Variants in SHISA9 observed in about 807,000 individuals in gnomAD.
SHISA9 encodes the protein protein shisa-9.
A neutral mutation model predicts 38.0 loss-of-function variants in SHISA9; 13 were observed. The ratio of observed to expected loss-of-function variants is 0.34; its 90% CI spans 0.22 to 0.54. The LOEUF is 0.54. SHISA9 is among the 20% of genes least tolerant of loss of function. The pLI is 0.91. For missense variants in SHISA9, 538 were observed against 575.8 expected, an observed-to-expected ratio of 0.93 and a Z score of 0.67; for synonymous variants, 275 against 242.0, an observed-to-expected ratio of 1.14 and a Z score of -1.27.
intron 2 of SHISA9, among the ~76,000 whole-genome samples, chr16:13,099,835 G>C (rs1307802137): frequency 1.3e-5 from 2 of 152,206 alleles, no homozygotes; most frequent in Non-Finnish European, 2.9e-5. Context: ...TGTGATCAGA[G>C]TTATACTTTA....
At chr16:13,129,001 T>C (rs2050284556) in intron 2 of SHISA9, among the ~76,000 whole-genome samples, 1 of 152,232 alleles carries the variant, frequency 6.6e-6, no homozygotes, top group Non-Finnish European at 1.5e-5. Context: ...GCTTTTATCT[T>C]GTCTTTCCAA....
intron 2 of SHISA9, among the ~76,000 whole-genome samples, chr16:13,052,394 A>T (rs2073262901): frequency 6.6e-6 from 1 of 152,212 alleles, no homozygotes; most frequent in Non-Finnish European, 1.5e-5. Flanking sequence ...TGTATGAGGG[A>T]GCAAAGCAAT....
chr16:13,316,609 A>G, the SHISA9 span, among the ~76,000 whole-genome samples: 2 of 152,066 alleles, frequency 1.3e-5, no homozygotes, highest in Non-Finnish European at 2.9e-5. Context: ...AATAACTTTC[A>G]CTTTTGTTTC....
chr16:13,386,923 C>T, the SHISA9 span, among the ~76,000 whole-genome samples: 5 of 152,094 alleles, frequency 3.3e-5, no homozygotes, highest in African/African-American at 4.8e-5. Flanking sequence ...AATTCATATG[C>T]GTGTCTCTCT....
intron 2 of SHISA9, among the ~76,000 whole-genome samples, chr16:12,971,156 A>G (rs1250613325): frequency 2.0e-5 from 3 of 152,210 alleles, no homozygotes; most frequent in African/African-American, 7.2e-5. Flanking sequence ...TTTCCAGCCT[A>G]AACTTCAAGA....
At chr16:12,994,091 T>A (rs965526738) in intron 2 of SHISA9, among the ~76,000 whole-genome samples, 9 of 152,084 alleles carry the variant, frequency 5.9e-5, no homozygotes, top group Non-Finnish European at 1.3e-4. Flanking sequence ...GATCAGGATA[T>A]GGAATTTGGG....
At chr16:13,157,308 T>C (rs951533204) in intron 2 of SHISA9, among the ~76,000 whole-genome samples, 1 of 152,216 alleles carries the variant, frequency 6.6e-6, no homozygotes, top group African/African-American at 2.4e-5. Flanking sequence ...CGCACTAATA[T>C]ATGTGAAGCA....
intron 2 of SHISA9, among the ~76,000 whole-genome samples, chr16:12,980,837 A>C (rs1054778300): frequency 2.0e-5 from 3 of 151,486 alleles, no homozygotes; most frequent in African/African-American, 4.9e-5. Flanking sequence ...TTTTGTGTCC[A>C]TTATCCATTC....
chr16:13,022,361 C>T (rs1052151928), intron 2 of SHISA9, among the ~76,000 whole-genome samples: 6 of 150,292 alleles, frequency 4.0e-5, no homozygotes, highest in South Asian at 2.1e-4. Flanking sequence ...GACAGAGTTT[C>T]GCTCTTGTTG....
chr16:13,367,705 C>T, the SHISA9 span, among the ~76,000 whole-genome samples: 1,474 of 96,062 alleles, frequency 0.015, 28 homozygotes, highest in African/African-American at 0.053. Flanking sequence ...CGTGCGCGCG[C>T]GCGCGCGCAC....
At chr16:12,971,176 C>T (rs1047438254) in intron 2 of SHISA9, among the ~76,000 whole-genome samples, 11 of 152,184 alleles carry the variant, frequency 7.2e-5, no homozygotes, top group African/African-American at 2.2e-4. Flanking sequence ...ACTAAAACTT[C>T]GGGGCAAATA....
At chr16:12,904,755 C>T (rs2071070568) in intron 1 of SHISA9, among the ~76,000 whole-genome samples, 1 of 152,182 alleles carries the variant, frequency 6.6e-6, no homozygotes, top group African/African-American at 2.4e-5. Flanking sequence ...TGATTTTCAA[C>T]TGTAACTGCT....
chr16:13,121,320 C>G (rs942339183), intron 2 of SHISA9, among the ~76,000 whole-genome samples: 1 of 152,052 alleles, frequency 6.6e-6, no homozygotes, highest in African/African-American at 2.4e-5. Context: ...GATCTCCCCT[C>G]TCTACAAAAA....
intron 2 of SHISA9, among the ~76,000 whole-genome samples, chr16:13,134,294 G>C (rs1044646542): frequency 6.6e-6 from 1 of 152,126 alleles, no homozygotes; most frequent in African/African-American, 2.4e-5. Flanking sequence ...TGTACGTAAA[G>C]CACATAGCAC....
chr16:12,933,006 G>T (rs1348600975), intron 2 of SHISA9, among the ~76,000 whole-genome samples: 2 of 152,124 alleles, frequency 1.3e-5, no homozygotes, highest in African/African-American at 4.8e-5. Context: ...TTGCAAATGA[G>T]GGGAGGTAAA....
chr16:13,395,040 C>T, the SHISA9 span, among the ~76,000 whole-genome samples: 1 of 149,604 alleles, frequency 6.7e-6, no homozygotes, highest in African/African-American at 2.5e-5. Context: ...TAGTGAAATC[C>T]CAGAAGGGGA....
the SHISA9 span, among the ~76,000 whole-genome samples, chr16:13,444,417 GAGGAAGGA>G: frequency 4.2e-4 from 59 of 140,580 alleles, no homozygotes; most frequent in African/African-American, 1.2e-3. Flanking sequence ...GGGAGGGAGG[GAGGAAGGA>G]AGGAAGGAAG....
chr16:12,966,997 A>G (rs905890900), intron 2 of SHISA9, among the ~76,000 whole-genome samples: 1 of 152,148 alleles, frequency 6.6e-6, no homozygotes, highest in East Asian at 1.9e-4. Context: ...CCAGAAATGA[A>G]TAAGACATGG....
chr16:13,007,986 G>A (rs1371592156), intron 2 of SHISA9, among the ~76,000 whole-genome samples: 1 of 152,128 alleles, frequency 6.6e-6, no homozygotes, highest in East Asian at 1.9e-4. Context: ...TCCTACACCA[G>A]CTGCAGGCTT....
Sources: gnomAD v4.1 joint callset for allele counts (sites outside exome capture counted in the v4.1 genomes callset) on GRCh38, gnomAD v4.1.1 for gene constraint, MANE v1.5 for transcripts, NCBI Gene and HGNC (gene_info 2026-07-23, HGNC 2026-07-21) for gene names.